Variants in SHTN1 observed in about 807,000 individuals in gnomAD.
SHTN1 encodes shootin-1.
A neutral mutation model predicts 83.1 loss-of-function variants in SHTN1; 42 were observed. That is an observed-to-expected ratio of 0.51 (90% CI 0.39 to 0.65). SHTN1 has a LOEUF of 0.65. Among genes scored for constraint, SHTN1 ranks in the 30% least tolerant of loss-of-function variants. The pLI is 0.00. For synonymous variants in SHTN1, 224 were observed against 247.7 expected, an observed-to-expected ratio of 0.90 and a Z score of 0.90; for missense variants, 622 against 737.8, an observed-to-expected ratio of 0.84 and a Z score of 1.82.
At chr10:117,074,582 C>A (rs1481069656) in intron 1 of SHTN1, among the ~76,000 whole-genome samples, 1 of 152,192 alleles carries the variant, frequency 6.6e-6, no homozygotes, top group African/African-American at 2.4e-5. Flanking sequence ...ATTTTAGATC[C>A]TCTCTTGTAC....
At chr10:117,075,137 G>A (rs985452717) in intron 1 of SHTN1, among the ~76,000 whole-genome samples, 2 of 152,118 alleles carry the variant, frequency 1.3e-5, no homozygotes, top group Non-Finnish European at 2.9e-5. Flanking sequence ...TGGTAAAAAT[G>A]TTCTAGATCT....
At chr10:117,109,169 C>T (rs1904303) in intron 1 of SHTN1, among the ~76,000 whole-genome samples, 4,819 of 152,174 alleles carry the variant, frequency 0.032, 271 homozygotes, top group African/African-American at 0.11. Flanking sequence ...ATGCCTTGGT[C>T]CCACCCCTAG....
intron 8 of SHTN1, among the ~76,000 whole-genome samples, chr10:116,940,861 T>C (rs747740334): frequency 1.3e-5 from 2 of 152,214 alleles, no homozygotes; most frequent in Non-Finnish European, 2.9e-5. Flanking sequence ...TTTAATATTT[T>C]ATTATTGCTT....
At chr10:117,009,760 C>T (rs565754297), upstream of SHTN1, among the ~76,000 whole-genome samples, 2 of 151,726 alleles carry the variant, frequency 1.3e-5, no homozygotes, top group Admixed American at 1.3e-4. Context: ...AAAAATTAGC[C>T]GGGCGTGGTG....
chr10:116,971,402 T>G (rs921566597), intron 2 of SHTN1, among the ~76,000 whole-genome samples: 2 of 152,326 alleles, frequency 1.3e-5, no homozygotes, highest in East Asian at 3.9e-4. Flanking sequence ...TGTTTAAAAT[T>G]CGAAATAGTA....
At chr10:116,901,233 T>C (rs2133323368) in intron 16 of SHTN1, 1 of 985,160 alleles carries the variant, frequency 1.0e-6, no homozygotes, top group East Asian at 1.1e-4. Flanking sequence ...ATAGCAGGAT[T>C]AACTCTTTGA....
intron 1 of SHTN1, among the ~76,000 whole-genome samples, chr10:117,117,322 C>T (rs1226358627): frequency 1.3e-5 from 2 of 151,990 alleles, no homozygotes; most frequent in African/African-American, 2.4e-5. Flanking sequence ...CAACAAAGAA[C>T]ATAAAATACT....
intron 4 of SHTN1, among the ~76,000 whole-genome samples, chr10:116,958,129 T>C (rs1261271216): frequency 1.8e-4 from 28 of 152,168 alleles, no homozygotes; most frequent in Non-Finnish European, 2.8e-4. Context: ...TTGTCATTAA[T>C]TTGATGGCAA....
intron 9 of SHTN1, among the ~76,000 whole-genome samples, chr10:116,935,316 CTTA>C (rs1056313426): frequency 1.2e-4 from 19 of 152,154 alleles, no homozygotes; most frequent in Non-Finnish European, 2.6e-4. Flanking sequence ...ATAAATAGCT[CTTA>C]TTATTTTGAG....
chr10:117,060,694 G>A (rs1360700368), intron 1 of SHTN1, among the ~76,000 whole-genome samples: 1 of 152,152 alleles, frequency 6.6e-6, no homozygotes, highest in Non-Finnish European at 1.5e-5. Flanking sequence ...AGATAACATG[G>A]AATACAAAAG....
intron 9 of SHTN1, among the ~76,000 whole-genome samples, chr10:116,938,375 G>A (rs994312057): frequency 6.6e-6 from 1 of 152,156 alleles, no homozygotes; most frequent in Non-Finnish European, 1.5e-5. Context: ...TGTTGATGTT[G>A]ATGTATTCCT....
chr10:116,975,647 TAAAAA>T (rs548784731), intron 2 of SHTN1, among the ~76,000 whole-genome samples: 12 of 135,930 alleles, frequency 8.8e-5, no homozygotes, highest in African/African-American at 2.7e-4. Context: ...AAGTCACTGA[TAAAAA>T]AAAAAAACAT....
chr10:117,114,654 T>C (rs972472368), intron 1 of SHTN1, among the ~76,000 whole-genome samples: 4 of 152,062 alleles, frequency 2.6e-5, no homozygotes, highest in African/African-American at 7.2e-5. Context: ...CCTTGGATGG[T>C]TGGGTTGCTC....
chr10:116,989,907 A>C (rs1294507083), intron 1 of SHTN1, among the ~76,000 whole-genome samples: 1 of 152,210 alleles, frequency 6.6e-6, no homozygotes, highest in Admixed American at 6.5e-5. Context: ...TGAGGAAAAC[A>C]TAATTTCTTC....
chr10:117,061,273 A>G (rs891246318), intron 1 of SHTN1, among the ~76,000 whole-genome samples: 5 of 150,556 alleles, frequency 3.3e-5, no homozygotes, highest in Non-Finnish European at 4.4e-5. Context: ...CAGCCTCCCG[A>G]GTAGCTGGGA....
At chr10:116,911,389 G>C in intron 14 of SHTN1, 1 of 1,403,770 alleles carries the variant, frequency 7.1e-7, no homozygotes, top group Non-Finnish European at 9.5e-7. Context: ...ATTTGGGGAG[G>C]AATTTAGCTT....
rs191296844 is a variant in SHTN1 at position 116,918,473 on chromosome 10, A to G, written c.1195+2961T>C. 2.3e-3 allele frequency among the ~76,000 whole-genome samples: 344 copies of G among 152,332 alleles called. 1 individual carries two copies. The highest frequency in any genetic ancestry group is 7.8e-3 in the African/African-American group (323 of 41,574). On this transcript the variant is annotated intron_variant, in intron 12 of 16. Coordinates refer to ENST00000355371, the MANE Select transcript of SHTN1 (RefSeq NM_001127211.3). ...AACTTTCTTTTAAAGGTAATTAAAA[A>G]AAAAATCTTATGCCACCATGATATA... is the stretch of plus-strand genomic sequence containing the variant.
At position 117,048,365 on chromosome 10, in the gene SHTN1, A is replaced by G. The variant is rs1317512707; in HGVS notation, c.-123+80T>C. On this transcript the variant is annotated intron_variant, in intron 2 of 17. Coordinates refer to the SHTN1 transcript ENST00000392901. ...CACAAAGAGAATATAACTATGATTA[A>G]ATATAAATTCTAGATAGGAAAGATT... The G allele has an allele frequency of 1.6e-5, 7 of 430,626 alleles. No individual in the cohort carries two copies. The East Asian group carries it at 1.1e-3, about 67-fold the overall frequency. The allele number at this position is 430,626 out of a possible 1,614,324, so 26.7% of individuals were successfully genotyped here. A position where few individuals can be genotyped will look rare whatever the true frequency, so the allele number is the denominator to read the frequency against.
intron 2 of SHTN1, among the ~76,000 whole-genome samples, chr10:117,035,780 T>C (rs1168088047): frequency 6.7e-6 from 1 of 149,192 alleles, no homozygotes; most frequent in African/African-American, 2.5e-5. Context: ...ACCCCGTCTC[T>C]ACTAAAAATA....
Sources: allele counts gnomAD v4.1 joint callset (sites outside exome capture counted in the v4.1 genomes callset), GRCh38; gene constraint gnomAD v4.1.1; transcripts MANE v1.5; gene names NCBI Gene and HGNC (gene_info 2026-07-23, HGNC 2026-07-21).